YTHDC2: variants seen among roughly 807,000 people sequenced by gnomAD.
YTHDC2 encodes YTH N6-methyladenosine RNA binding protein C2.
In YTHDC2, 45 loss-of-function variants were observed where a neutral mutation model predicts 174.9. The ratio of observed to expected loss-of-function variants is 0.26; its 90% CI spans 0.20 to 0.33. YTHDC2 has a LOEUF of 0.33. YTHDC2 is among the 10% of genes least tolerant of loss of function. The probability of loss-of-function intolerance (pLI) is 1.00; values close to 1 mark genes in which losing one functional copy is unlikely to be tolerated. For missense variants in YTHDC2, 1,650 were observed against 1,723.7 expected (o/e 0.96, Z 0.76); for synonymous variants, 657 against 574.5 (o/e 1.14, Z -2.05).
chr5:113,560,642 A>T (rs1397851537), intron 17 of YTHDC2, among the ~76,000 whole-genome samples: 1 of 152,174 alleles, frequency 6.6e-6, no homozygotes, highest in African/African-American at 2.4e-5. Context: ...AAATTATGCA[A>T]GTCTTTATGA....
intron 10 of YTHDC2, among the ~76,000 whole-genome samples, chr5:113,547,980 T>A (rs1002522963): frequency 1.5e-4 from 23 of 152,196 alleles, no homozygotes; most frequent in African/African-American, 5.3e-4. Flanking sequence ...TAATTATTTT[T>A]CTAATGTAAG....
intron 12 of YTHDC2, 61 bp from the exon 13 acceptor site, chr5:113,553,120 C>T (rs1580562421): frequency 1.4e-6 from 2 of 1,396,256 alleles, no homozygotes; most frequent in Non-Finnish European, 1.9e-6. Flanking sequence ...ATTTGAAGGA[C>T]ATAAGGATTA....
intron 4 of YTHDC2, 35 bp downstream of exon 4, chr5:113,526,820 AAAAAAAATATATATAT>A: frequency 2.5e-6 from 1 of 400,234 alleles, no homozygotes; most frequent in East Asian, 7.8e-5. Context: ...AGAAAAAAAA[AAAAAAAATATATATAT>A]ATATATATAT....
intron 26 of YTHDC2, among the ~76,000 whole-genome samples, chr5:113,589,162 C>G (rs902332286): frequency 6.6e-6 from 1 of 151,594 alleles, no homozygotes; most frequent in East Asian, 1.9e-4. Context: ...TGAAGAACCT[C>G]CTTTCTGGGA....
chr5:113,579,419 A>G (rs1329367654), intron 23 of YTHDC2, among the ~76,000 whole-genome samples, 167 bp from the exon 24 acceptor site: 1 of 152,128 alleles, frequency 6.6e-6, no homozygotes, highest in African/African-American at 2.4e-5. Context: ...TTCCTTTTAA[A>G]TAAATACTGA....
intron 2 of YTHDC2, among the ~76,000 whole-genome samples, chr5:113,519,636 A>T (rs1189435989): frequency 6.6e-6 from 1 of 152,210 alleles, no homozygotes; most frequent in East Asian, 1.9e-4. Flanking sequence ...CAGAAGTCCA[A>T]CAACAGAGGT....
chr5:113,549,871 A>T (rs558244758), intron 12 of YTHDC2, among the ~76,000 whole-genome samples: 2 of 152,114 alleles, frequency 1.3e-5, no homozygotes, highest in East Asian at 3.9e-4. Flanking sequence ...AACAGCAACT[A>T]GATGTAGTAG....
chr5:113,578,858 T>C (rs376392837), intron 23 of YTHDC2, among the ~76,000 whole-genome samples: 368 of 152,286 alleles, frequency 2.4e-3, no homozygotes, highest in Non-Finnish European at 3.9e-3. Flanking sequence ...ACTTTCAGTT[T>C]TAGTAATTTT....
chr5:113,519,847 T>A (rs1773742231), intron 2 of YTHDC2, among the ~76,000 whole-genome samples: 1 of 152,194 alleles, frequency 6.6e-6, no homozygotes, highest in Non-Finnish European at 1.5e-5. Flanking sequence ...CATTCAGAGG[T>A]AATTTAAATC....
intron 2 of YTHDC2, among the ~76,000 whole-genome samples, chr5:113,520,606 A>G (rs764869363): frequency 6.6e-6 from 1 of 152,058 alleles, no homozygotes; most frequent in African/African-American, 2.4e-5. Context: ...CCACAAGGGA[A>G]AGGATAGACC....
At chr5:113,591,728 A>T (rs1000009974) in intron 27 of YTHDC2, among the ~76,000 whole-genome samples, 1 of 152,138 alleles carries the variant, frequency 6.6e-6, no homozygotes, top group Admixed American at 6.6e-5. Flanking sequence ...TTATCATGGA[A>T]TAAAAATATG....
intron 5 of YTHDC2, among the ~76,000 whole-genome samples, chr5:113,533,974 A>G (rs907172339): frequency 6.6e-6 from 1 of 152,192 alleles, no homozygotes; most frequent in Non-Finnish European, 1.5e-5. Flanking sequence ...CCTTCTTGAC[A>G]AGTAGTACTT....
chr5:113,541,484 C>T (rs921747040), intron 9 of YTHDC2, among the ~76,000 whole-genome samples: 6 of 152,072 alleles, frequency 3.9e-5, no homozygotes, highest in Admixed American at 1.3e-4. Flanking sequence ...AGCCACTGCA[C>T]CCAGCCAAGA....
chr5:113,542,882 A>G (rs1580534098), intron 10 of YTHDC2, among the ~76,000 whole-genome samples: 2 of 152,264 alleles, frequency 1.3e-5, no homozygotes, highest in East Asian at 3.9e-4. Context: ...TATAATTGTA[A>G]TTATTATTGA....
chr5:113,559,628 G>A (rs1776829414), intron 17 of YTHDC2, among the ~76,000 whole-genome samples: 1 of 152,216 alleles, frequency 6.6e-6, no homozygotes, highest in Non-Finnish European at 1.5e-5. Flanking sequence ...TATCACAGTT[G>A]GTTCAGGTTA....
chr5:113,574,566 C>G (rs369451024), intron 23 of YTHDC2, among the ~76,000 whole-genome samples: 2 of 152,112 alleles, frequency 1.3e-5, no homozygotes, highest in East Asian at 1.9e-4. Flanking sequence ...CTGAGTCAAC[C>G]AAACCACAAA....
chr5:113,534,748 A>G lies in YTHDC2; in HGVS notation c.945+341A>G, dbSNP rs1025623293. On this transcript the variant is annotated intron_variant, in intron 6 of 29. Coordinates refer to ENST00000161863, the MANE Select transcript of YTHDC2 (RefSeq NM_022828.5). ...AAAAAGGGAGATTTCTTTTATCTCTATACTTGGTTGTTTGATCCCTTCATT... is the reference window on the plus strand; with the variant it reads ...AAAAAGGGAGATTTCTTTTATCTCTGTACTTGGTTGTTTGATCCCTTCATT... Among the ~76,000 whole-genome samples the G allele has an allele frequency of 3.3e-5, 5 of 152,240 alleles. No homozygotes were observed. In the East Asian group the frequency reaches 7.7e-4, roughly 23 times the overall value.
intron 19 of YTHDC2, 121 bp downstream of exon 19, chr5:113,563,613 C>A: frequency 8.9e-7 from 1 of 1,123,412 alleles, no homozygotes; most frequent in Non-Finnish European, 1.2e-6. Context: ...TGCATGTGTC[C>A]AGATAAACTA....
chr5:113,553,471 C>T (rs1776399802), intron 13 of YTHDC2, 112 bp downstream of exon 13: 5 of 1,408,924 alleles, frequency 3.5e-6, no homozygotes, highest in African/African-American at 1.5e-5. Flanking sequence ...TGAATAATCT[C>T]CTGTCATCTT....
Sources: gnomAD v4.1 joint callset for allele counts (sites outside exome capture counted in the v4.1 genomes callset) on GRCh38, gnomAD v4.1.1 for gene constraint, MANE v1.5 for transcripts, NCBI Gene and HGNC (gene_info 2026-07-23, HGNC 2026-07-21) for gene names.